The following CNTNAP3B variants were observed in gnomAD, a reference collection of about 807,000 sequenced individuals.
CNTNAP3B encodes contactin associated protein family member 3B, also known as contactin-associated protein-like 3B.
A neutral mutation model predicts 108.9 loss-of-function variants in CNTNAP3B; 25 were observed. That is an observed-to-expected ratio of 0.23 (90% CI 0.17 to 0.32). The LOEUF is 0.32. CNTNAP3B is among the 10% of genes least tolerant of loss of function. CNTNAP3B has a pLI of 1.00. For synonymous variants in CNTNAP3B, 103 were observed against 473.4 expected (o/e 0.22, Z 10.16); for missense variants, 252 against 1,210.4 (o/e 0.21, Z 11.75).
chr9:41,948,066 T>A (rs1324319668), intron 13 of CNTNAP3B, among the ~76,000 whole-genome samples: 6 of 151,722 alleles, frequency 4.0e-5, no homozygotes, highest in African/African-American at 1.5e-4. Context: ...ATGGTTTTAT[T>A]GGAGAATTCT....
chr9:41,931,345 C>CT (rs1242979724), intron 14 of CNTNAP3B, among the ~76,000 whole-genome samples: 1 of 152,140 alleles, frequency 6.6e-6, no homozygotes, highest in Non-Finnish European at 1.5e-5. Context: ...TCTCTTCTGG[C>CT]TATTTTGAAA....
At position 42,030,814 on chromosome 9, in the gene CNTNAP3B, GA is replaced by G. The variant is rs1218490747; in HGVS notation, c.391-17290del. ...GTGCGAGAGAGAGAGAGAGAGAGAGGAGAGAGAGAGAGAGAGAGAGAGAGAG... is the reference window on the plus strand; with the variant it reads ...GTGCGAGAGAGAGAGAGAGAGAGAGGGAGAGAGAGAGAGAGAGAGAGAGAG... On this transcript the variant is annotated intron_variant, in intron 3 of 23. Transcript: ENST00000377561. 1.7e-3 allele frequency among the ~76,000 whole-genome samples: 40 copies of G among 24,072 alleles called. 3 individuals carry two copies. Among genetic ancestry groups the G allele is most frequent in the African/African-American group, 4.9e-3 (38 of 7,704 alleles). 15.8% of individuals were successfully genotyped at this position (24,072 alleles called of 152,430 possible). A position where few individuals can be genotyped will look rare whatever the true frequency, so the allele number is the denominator to read the frequency against.
At chr9:41,920,571 G>A (rs1228859369) in intron 17 of CNTNAP3B, among the ~76,000 whole-genome samples, 3 of 152,250 alleles carry the variant, frequency 2.0e-5, no homozygotes, top group Admixed American at 6.5e-5. Context: ...TTAACTTCAG[G>A]TAAGAAAGAA....
At chr9:41,942,878 C>T (rs1384845295) in intron 13 of CNTNAP3B, among the ~76,000 whole-genome samples, 6 of 152,322 alleles carry the variant, frequency 3.9e-5, no homozygotes. Context: ...AACTACTAAC[C>T]AGATAAACAT....
chr9:41,952,586 GC>G (rs1824721664), intron 13 of CNTNAP3B, among the ~76,000 whole-genome samples: 3 of 152,054 alleles, frequency 2.0e-5, no homozygotes, highest in African/African-American at 7.3e-5. Context: ...TTTGATGCAG[GC>G]AGAGTTTCCA....
At chr9:41,973,049 T>C (rs867145308) in intron 9 of CNTNAP3B, among the ~76,000 whole-genome samples, 70 of 137,644 alleles carry the variant, frequency 5.1e-4, no homozygotes, top group African/African-American at 1.7e-3. Flanking sequence ...AGCATTCTCC[T>C]GCCTCAGCCT....
intron 2 of CNTNAP3B, among the ~76,000 whole-genome samples, chr9:42,079,348 G>T (rs1282025361): frequency 7.5e-6 from 1 of 133,448 alleles, no homozygotes; most frequent in African/African-American, 3.0e-5. Flanking sequence ...CCTTCCTGTT[G>T]ACTCCACCAG....
intron 14 of CNTNAP3B, among the ~76,000 whole-genome samples, chr9:41,934,900 T>C (rs1240672617): frequency 6.6e-6 from 1 of 152,304 alleles, no homozygotes. Context: ...TTGTGGTTAC[T>C]TTTAAAGACT....
intron 8 of CNTNAP3B, among the ~76,000 whole-genome samples, chr9:41,986,961 G>T (rs1446840991): frequency 8.3e-6 from 1 of 120,474 alleles, no homozygotes; most frequent in Admixed American, 8.8e-5. Flanking sequence ...GCCTAGCGAG[G>T]TGCAGTTGCT....
At chr9:41,968,054 A>G (rs866885838) in intron 10 of CNTNAP3B, among the ~76,000 whole-genome samples, 416 of 151,992 alleles carry the variant, frequency 2.7e-3, no homozygotes, top group East Asian at 7.2e-3. Context: ...AAAACAGCCT[A>G]TAACAGTAAA....
chr9:42,080,398 T>C (rs1325119856), intron 2 of CNTNAP3B, among the ~76,000 whole-genome samples: 2 of 140,090 alleles, frequency 1.4e-5, no homozygotes, highest in Non-Finnish European at 3.1e-5. Flanking sequence ...ATGGTTACAA[T>C]CTGCAATCCC....
intron 13 of CNTNAP3B, among the ~76,000 whole-genome samples, chr9:41,939,318 A>G (rs1450894236): frequency 6.6e-6 from 1 of 152,310 alleles, no homozygotes; most frequent in Non-Finnish European, 1.5e-5. Flanking sequence ...TTTTTTAAAC[A>G]TGCTTGATCA....
At chr9:42,059,953 A>G (rs1406488125) in intron 3 of CNTNAP3B, among the ~76,000 whole-genome samples, 1 of 149,872 alleles carries the variant, frequency 6.7e-6, no homozygotes, top group Non-Finnish European at 1.5e-5. Flanking sequence ...TATATATAAG[A>G]TCATGTCATC....
chr9:41,918,584 G>T (rs1247516263), intron 18 of CNTNAP3B, among the ~76,000 whole-genome samples: 2 of 142,812 alleles, frequency 1.4e-5, no homozygotes, highest in Non-Finnish European at 3.1e-5. Context: ...TGAAAATCCA[G>T]ATCATTCTTA....
rs1363690942 is a variant in CNTNAP3B at position 42,075,727 on chromosome 9, A to G, written c.390+1142T>C. Among the ~76,000 whole-genome samples the G allele has an allele frequency of 3.1e-5, 4 of 129,276 alleles. No individual in the cohort carries two copies. The East Asian group carries it at 6.9e-4, about 22-fold the overall frequency. 84.8% of individuals were successfully genotyped at this position (129,276 alleles called of 152,430 possible). The stretch of plus-strand genomic sequence containing the variant: ...AGACTCTATATGAGTCTTCTCTTAC[A>G]GCATCTCTTTTATAGGGAAACTGTC... On this transcript the variant is annotated intron_variant, in intron 3 of 23. Coordinates refer to ENST00000377561, the MANE Select transcript of CNTNAP3B (RefSeq NM_001201380.3).
At chr9:41,945,975 A>C (rs1354304590) in intron 13 of CNTNAP3B, among the ~76,000 whole-genome samples, 2 of 152,300 alleles carry the variant, frequency 1.3e-5, no homozygotes, top group African/African-American at 4.8e-5. Flanking sequence ...GAGCAAGGAA[A>C]ATTATCAGAG....
chr9:41,942,037 A>T (rs1824362851), intron 13 of CNTNAP3B, among the ~76,000 whole-genome samples: 1 of 152,298 alleles, frequency 6.6e-6, no homozygotes, highest in Middle Eastern at 3.2e-3. Flanking sequence ...AGCCTAAACC[A>T]CCTAGGGGAA....
chr9:41,916,671 T>C (rs995491538), intron 18 of CNTNAP3B, among the ~76,000 whole-genome samples: 2 of 145,126 alleles, frequency 1.4e-5, no homozygotes, highest in Non-Finnish European at 3.0e-5. Context: ...TCAGGGTAAC[T>C]GAGATATCCA....
intron 2 of CNTNAP3B, among the ~76,000 whole-genome samples, chr9:42,082,820 G>T (rs1187289937): frequency 1.4e-5 from 2 of 140,842 alleles, no homozygotes; most frequent in African/African-American, 5.6e-5. Context: ...AATAGTAGAT[G>T]TTAGACTTAA....
Sources: gnomAD v4.1 joint callset for allele counts (sites outside exome capture counted in the v4.1 genomes callset) on GRCh38, gnomAD v4.1.1 for gene constraint, MANE v1.5 for transcripts, NCBI Gene and HGNC (gene_info 2026-07-23, HGNC 2026-07-21) for gene names.